PTN: variants seen among roughly 807,000 people sequenced by gnomAD.
PTN encodes the protein heparin affin regulatory protein.
Under a neutral mutation model 24.1 loss-of-function variants are expected in PTN, and 18 were observed. That is an observed-to-expected ratio of 0.75 (90% confidence interval 0.52 to 1.11). The LOEUF is 1.11. Ranked by LOEUF, PTN falls within the 50% of genes least tolerant of loss-of-function variation. The pLI is 0.00. For synonymous variants in PTN, 78 were observed against 68.6 expected (o/e 1.14, Z -0.67); for missense variants, 163 against 198.8 (o/e 0.82, Z 1.08).
At chr7:137,306,760 T>C (rs1809895827) in intron 1 of PTN, among the ~76,000 whole-genome samples, 1 of 152,144 alleles carries the variant, frequency 6.6e-6, no homozygotes, top group Admixed American at 6.6e-5. Context: ...TTGAGCTAAA[T>C]ATATCTTCAA....
chr7:137,260,860 G>A (rs562471259), intron 1 of PTN, among the ~76,000 whole-genome samples: 5 of 152,080 alleles, frequency 3.3e-5, no homozygotes, highest in Non-Finnish European at 7.4e-5. Context: ...AGTATGGATG[G>A]GGGTTGCAAA....
At chr7:137,246,964 A>G (rs111396090) in intron 4 of PTN, among the ~76,000 whole-genome samples, 177 of 152,298 alleles carry the variant, frequency 1.2e-3, no homozygotes, top group Non-Finnish European at 2.1e-3. Flanking sequence ...TGTATGCTTA[A>G]AGTTGCTTTA....
At chr7:137,342,833 T>C (rs1810557026) in intron 1 of PTN, among the ~76,000 whole-genome samples, 1 of 152,166 alleles carries the variant, frequency 6.6e-6, no homozygotes. Context: ...TCTTCTAAAC[T>C]TTGGACCTAA....
At chr7:137,279,395 G>T (rs1241500219) in intron 1 of PTN, among the ~76,000 whole-genome samples, 2 of 152,092 alleles carry the variant, frequency 1.3e-5, no homozygotes, top group Non-Finnish European at 2.9e-5. Context: ...ACCAAAATTA[G>T]AAAACTGCTG....
At chr7:137,299,588 C>A (rs1809773540) in intron 1 of PTN, among the ~76,000 whole-genome samples, 1 of 151,860 alleles carries the variant, frequency 6.6e-6, no homozygotes, top group African/African-American at 2.4e-5. Context: ...ATATGAGGGG[C>A]AGTTATTTCC....
chr7:137,286,442 C>A (rs1483320947), intron 1 of PTN, among the ~76,000 whole-genome samples: 5 of 152,126 alleles, frequency 3.3e-5, no homozygotes, highest in African/African-American at 1.2e-4. Context: ...AGCAAGGGAT[C>A]TTTCTTATGA....
intron 1 of PTN, among the ~76,000 whole-genome samples, chr7:137,316,229 C>T (rs370352540): frequency 4.6e-5 from 7 of 152,152 alleles, no homozygotes; most frequent in Admixed American, 2.6e-4. Flanking sequence ...TCCGTATCAC[C>T]GTCACCTGGG....
intron 4 of PTN, among the ~76,000 whole-genome samples, chr7:137,248,824 C>T (rs1808771195): frequency 6.6e-6 from 1 of 152,090 alleles, no homozygotes; most frequent in African/African-American, 2.4e-5. Flanking sequence ...TTTTAATGAC[C>T]TGTAAATTGC....
chr7:137,314,802 C>T (rs1810043516), intron 1 of PTN, among the ~76,000 whole-genome samples: 1 of 151,986 alleles, frequency 6.6e-6, no homozygotes, highest in Admixed American at 6.6e-5. Context: ...AACATGTTGG[C>T]CAGGCTGGTC....
At chr7:137,229,914 G>C (rs938915954) in intron 4 of PTN, among the ~76,000 whole-genome samples, 1 of 151,754 alleles carries the variant, frequency 6.6e-6, no homozygotes, top group Admixed American at 6.6e-5. Context: ...TTAGGCAACA[G>C]CTGTATATTA....
At chr7:137,336,936 G>A (rs1810458750) in intron 1 of PTN, among the ~76,000 whole-genome samples, 1 of 152,202 alleles carries the variant, frequency 6.6e-6, no homozygotes, top group African/African-American at 2.4e-5. Context: ...AAGTAAGAAA[G>A]ACCACAATAT....
At chr7:137,255,696 A>G (rs1808910099) in intron 1 of PTN, among the ~76,000 whole-genome samples, 1 of 152,222 alleles carries the variant, frequency 6.6e-6, no homozygotes, top group Non-Finnish European at 1.5e-5. Flanking sequence ...AAATGCTCAC[A>G]TTTGATGTGA....
chr7:137,236,355 C>A (rs1004115489), intron 4 of PTN: 10 of 684,088 alleles, frequency 1.5e-5, no homozygotes, highest in Non-Finnish European at 2.7e-5. Context: ...CACACATGAG[C>A]GTGTTGGGAT....
At chr7:137,294,872 C>CT in intron 1 of PTN, among the ~76,000 whole-genome samples, 3 of 152,220 alleles carry the variant, frequency 2.0e-5, no homozygotes, top group Middle Eastern at 6.8e-3. Context: ...TTTTGCTTTT[C>CT]TTTTTTTATA....
chr7:137,265,045 C>T (rs190276043), intron 1 of PTN, among the ~76,000 whole-genome samples: 23 of 151,294 alleles, frequency 1.5e-4, no homozygotes, highest in Admixed American at 1.1e-3. Context: ...GGGCTGGGGC[C>T]GACCTGAGTT....
At chr7:137,278,238 C>T (rs1161031619) in intron 1 of PTN, among the ~76,000 whole-genome samples, 6 of 137,562 alleles carry the variant, frequency 4.4e-5, no homozygotes, top group South Asian at 4.8e-4. Context: ...ACCCGGGAGG[C>T]GGAGCTTGCA....
intron 1 of PTN, among the ~76,000 whole-genome samples, chr7:137,256,158 A>G (rs1419906417): frequency 1.3e-5 from 2 of 152,128 alleles, no homozygotes; most frequent in African/African-American, 4.8e-5. Context: ...GGCATTGTAT[A>G]TGCTGTCTCT....
chr7:137,243,982 T>C (rs1041132982), intron 4 of PTN, among the ~76,000 whole-genome samples: 2 of 152,300 alleles, frequency 1.3e-5, no homozygotes, highest in African/African-American at 4.8e-5. Context: ...CTTTGAACTA[T>C]ATAATACCCT....
At chr7:137,240,319 T>C (rs1421278718) in intron 4 of PTN, among the ~76,000 whole-genome samples, 8 of 152,178 alleles carry the variant, frequency 5.3e-5, no homozygotes, top group African/African-American at 1.9e-4. Flanking sequence ...AGGCTCTTAA[T>C]AGATTTTATA....
Sources: allele counts gnomAD v4.1 joint callset (sites outside exome capture counted in the v4.1 genomes callset), GRCh38; gene constraint gnomAD v4.1.1; transcripts MANE v1.5; gene names NCBI Gene and HGNC (gene_info 2026-07-23, HGNC 2026-07-21).